Variants in BOD1L1 observed in about 807,000 individuals in gnomAD.
BOD1L1 encodes biorientation of chromosomes in cell division 1 like 1, also known as biorientation of chromosomes in cell division protein 1-like 1.
A neutral mutation model predicts 240.7 loss-of-function variants in BOD1L1; 86 were observed. The ratio of observed to expected loss-of-function variants is 0.36; its 90% confidence interval spans 0.30 to 0.43. The LOEUF is 0.43. BOD1L1 is among the 20% of genes least tolerant of loss of function. BOD1L1 has a pLI of 1.00. For synonymous variants in BOD1L1, 1,268 were observed against 1,272.3 expected, an observed-to-expected ratio of 1.00 and a Z score of 0.07; for missense variants, 3,554 against 3,643.5, an observed-to-expected ratio of 0.98 and a Z score of 0.63.
At chr4:13,577,331 A>T in intron 24 of BOD1L1, 72 bp downstream of exon 24, 1 of 1,323,786 alleles carries the variant, frequency 7.6e-7, no homozygotes, top group East Asian at 2.4e-5. Flanking sequence ...ATTTTTCCTC[A>T]TTCAAAGAAA....
At chr4:13,579,256 G>A (rs1258863409) in intron 22 of BOD1L1, among the ~76,000 whole-genome samples, 1 of 152,080 alleles carries the variant, frequency 6.6e-6, no homozygotes, top group Non-Finnish European at 1.5e-5. Context: ...TTTCTTGTAT[G>A]GATTCAAAAT....
Position 13,602,447 on chromosome 4 carries a change from T to G in BOD1L1, c.4453A>C (p.Ser1485Arg). 6.2e-7 allele frequency: 1 copy of G among 1,614,038 alleles called. No individual in the cohort carries two copies. The highest frequency in any genetic ancestry group is 2.2e-5 in the East Asian group (1 of 44,882). Residue 1485 changes from serine to arginine, a missense_variant, in exon 10 of 26, where the codon AGT becomes CGT. Around this residue, in one of 2 missense-constraint regions of BOD1L1, gnomAD observed 3,393 missense variants for 3,427.1 expected, o/e 0.99. Coordinates refer to ENST00000040738, the MANE Select transcript of BOD1L1 (RefSeq NM_148894.3). ...GAGGGTGCAGAGCCACTTCCAGCAC[T>G]GGTGTCTACCTCACTGTTTTCATTC... The part of the protein sequence containing the change: ...RRNENSEVDT[S>R]AGSGSAPSVL...
rs140547404 is a variant in BOD1L1, at chr4:13,602,112, G to A, written c.4788C>T (p.Val1596=). 871 of 1,613,866 alleles carry A rather than the reference G, an allele frequency of 5.4e-4. 2 individuals carry two copies. Among genetic ancestry groups the A allele is most frequent in the Non-Finnish European group, 7.1e-4 (837 of 1,179,904 alleles). Residue 1596 remains valine, a synonymous_variant, in exon 10 of 26, where the codon GTC becomes GTT. Transcript: ENST00000040738. The part of the protein sequence containing the change: ...FAAAEEGGAV[V]TEGFAESETF... ...TTTCACTTTCAGCAAATCCCTCTGT[G>A]ACAACAGCCCCACCTTCTTCAGCTG...
rs950551246 is a variant in BOD1L1, at chr4:13,590,266, T to C, written c.8209+120A>G. 7.9e-6 allele frequency: 4 copies of C among 509,190 alleles called. No homozygotes were observed. In the East Asian group the frequency reaches 1.4e-4, roughly 18 times the overall value. 31.5% of individuals were successfully genotyped at this position (509,190 alleles called of 1,614,324 possible). A position where few individuals can be genotyped will look rare whatever the true frequency, so the allele number is the denominator to read the frequency against. On this transcript the variant is annotated intron_variant, in intron 14 of 25. Transcript: ENST00000040738. ...CTGTTAACTATCACTTTACTGAATT[T>C]TTATGAATTAAATGAGAGAAAGTAT...
chr4:13,602,862 A>G lies in BOD1L1; in HGVS notation c.4038T>C (p.Gly1346=). 6.2e-7 allele frequency: 1 copy of G among 1,613,996 alleles called. No homozygotes were observed. Among genetic ancestry groups the G allele is most frequent in the Non-Finnish European group, 8.5e-7 (1 of 1,179,884 alleles). ...EVLKTSDSKE[G]GEGFTVDTPA... is the part of the protein sequence containing the mutation. Reference sequence around the variant, plus strand: ...GTGTATCTACTGTGAAACCTTCACCACCTTCTTTGCTGTCACTTGTCTTAA... The same window carrying G: ...GTGTATCTACTGTGAAACCTTCACCGCCTTCTTTGCTGTCACTTGTCTTAA... The change falls in exon 10 of 26, where the codon GGT becomes GGC. Residue 1346 remains glycine, a synonymous_variant. Coordinates refer to ENST00000040738, the MANE Select transcript of BOD1L1 (RefSeq NM_148894.3).
chr4:13,600,423 T>C lies in BOD1L1; in HGVS notation c.6477A>G (p.Ala2159=). The C allele has an allele frequency of 3.1e-6, 5 of 1,613,950 alleles. No individual in the cohort carries two copies. Among genetic ancestry groups the C allele is most frequent in the Non-Finnish European group, 4.2e-6 (5 of 1,179,882 alleles). The change falls in exon 10 of 26, where the codon GCA becomes GCG. Residue 2159 remains alanine (A), a synonymous_variant. Transcript: ENST00000040738. ...GACTTTCAGCACACTTGATGGTTGTTGCACTGGAGATAGGCAATTCGAATT... is the reference window on the plus strand; with the variant it reads ...GACTTTCAGCACACTTGATGGTTGTCGCACTGGAGATAGGCAATTCGAATT... ...GEEFELPISS[A]TTIKCAESLQ... is the part of the protein sequence containing the mutation.
rs775161782 is a variant in BOD1L1, at chr4:13,581,117, A to G, written c.8668+15T>C. 1 of 1,570,896 alleles carries G rather than the reference A, an allele frequency of 6.4e-7. No homozygotes were observed. Among genetic ancestry groups the G allele is most frequent in the Non-Finnish European group, 8.6e-7 (1 of 1,156,586 alleles). ...AATTTCTTGTGTGTGAACTGAAAAC[A>G]CACCAAGTACCTACTCATTTTTAAC... On this transcript the variant is annotated intron_variant, in intron 20 of 25. Transcript: ENST00000040738.
intron 12 of BOD1L1, among the ~76,000 whole-genome samples, chr4:13,593,683 T>G (rs113642046): frequency 1.5e-4 from 23 of 152,312 alleles, no homozygotes; most frequent in African/African-American, 4.1e-4. Flanking sequence ...TATTTGCACG[T>G]TGATTTCAGT....
At chr4:13,580,962 T>C in intron 21 of BOD1L1, 58 bp downstream of exon 21, 1 of 1,462,334 alleles carries the variant, frequency 6.8e-7, no homozygotes, top group Non-Finnish European at 9.3e-7. Flanking sequence ...TATTGCATTA[T>C]ACCGTTTTTC....
chr4:13,572,899 G>C, intron 25 of BOD1L1: 1 of 1,257,552 alleles, frequency 8.0e-7, no homozygotes, highest in Non-Finnish European at 1.0e-6. Context: ...CCAGTCCCTG[G>C]AACTCTGTAG....
In BOD1L1 at chr4:13,611,007, T is replaced by C; in HGVS notation, c.1418A>G (p.Lys473Arg). 6.2e-7 allele frequency: 1 copy of C among 1,612,720 alleles called. No homozygotes were observed. Among genetic ancestry groups the C allele is most frequent in the Non-Finnish European group, 8.5e-7 (1 of 1,178,984 alleles). The part of the protein sequence containing the change: ...TKSVRHAYVH[K>R]PYLYSKYYSD... ...ATAGTATTTTGAGTAAAGATATGGT[T>C]TGTGGACATACGCATGCCGTACACT... is the stretch of plus-strand genomic sequence containing the variant. The change falls in exon 6 of 26, where the codon AAA becomes AGA. Residue 473 changes from lysine (K) to arginine (R), a missense_variant. Transcript: ENST00000040738.
chr4:13,623,627 G>C (rs1254628747), intron 1 of BOD1L1: 1 of 152,206 alleles, frequency 6.6e-6, no homozygotes, highest in Non-Finnish European at 1.5e-5. Flanking sequence ...TCTCTCTCCT[G>C]GTTAAGGACT....
intron 15 of BOD1L1, 127 bp downstream of exon 15, chr4:13,588,595 G>T: frequency 1.4e-6 from 1 of 710,184 alleles, no homozygotes; most frequent in Non-Finnish European, 2.2e-6. Flanking sequence ...GTGACATGTG[G>T]AACTCTCAGT....
chr4:13,591,972 C>T lies in BOD1L1; in HGVS notation c.8105-6G>A. ...AGGCTCCCTCTGGAGTTCAGCTGTTCAAAAATAAAAATGAGATGTAAAGAA... is the reference window on the plus strand; with the variant it reads ...AGGCTCCCTCTGGAGTTCAGCTGTTTAAAAATAAAAATGAGATGTAAAGAA... On this transcript the variant is annotated splice_polypyrimidine_tract_variant and splice_region_variant and intron_variant, in intron 12 of 25. Transcript: ENST00000040738. 6.5e-7 allele frequency: 1 copy of T among 1,541,494 alleles called. No individual in the cohort carries two copies. The highest frequency in any genetic ancestry group is 1.4e-5 in the African/African-American group (1 of 72,506).
In BOD1L1 at chr4:13,613,781, CA is replaced by C; in HGVS notation, c.1175-121del. ...TTTAAATACGTGTCAAACTATCAAA[CA>C]AGGCAGAGTGGTTTCCAGAAAATAC... On this transcript the variant is annotated intron_variant, in intron 4 of 25. Transcript: ENST00000040738. This position sits in a 1 kb window ranked among gnomAD's most constrained non-coding sequence, Gnocchi z 4.0. The C allele has an allele frequency of 1.4e-6, 1 of 728,984 alleles. No individual in the cohort carries two copies. Among genetic ancestry groups the C allele is most frequent in the Non-Finnish European group, 2.0e-6 (1 of 503,556 alleles). 45.2% of individuals were successfully genotyped at this position (728,984 alleles called of 1,614,324 possible).
At chr4:13,598,827 T>G (rs1383199835) in intron 10 of BOD1L1, 119 bp downstream of exon 10, 1 of 1,084,620 alleles carries the variant, frequency 9.2e-7, no homozygotes, top group African/African-American at 1.6e-5. Context: ...AGAAAAAAAT[T>G]TATAGATATT....
rs1715165472 is a variant in BOD1L1, at chr4:13,601,561, G to T, written c.5339C>A (p.Ser1780Tyr). Residue 1780 changes from serine (S) to tyrosine (Y), a missense_variant, in exon 10 of 26, where the codon TCT (serine) becomes TAT (tyrosine). This residue lies in a region of BOD1L1 where 3,393 missense variants were observed against 3,427.1 expected (regional missense o/e 0.99). Coordinates refer to ENST00000040738, the MANE Select transcript of BOD1L1 (RefSeq NM_148894.3). ...GTSASQEGDGSVNDGTEGESA... is the reference protein window; with the variant it reads ...GTSASQEGDGYVNDGTEGESA... ...CTCACCTTCTGTACCATCATTCACA[G>T]AACCATCTCCTTCTTGGCTGGCACT... 1.2e-6 allele frequency: 2 copies of T among 1,613,990 alleles called. No individual in the cohort carries two copies. Among genetic ancestry groups the T allele is most frequent in the Non-Finnish European group, 1.7e-6 (2 of 1,179,894 alleles).
Position 13,600,266 on chromosome 4 carries a change from C to T in BOD1L1, c.6634G>A (p.Glu2212Lys). The T allele has an allele frequency of 2.5e-6, 4 of 1,614,052 alleles. No homozygotes were observed. Among genetic ancestry groups the T allele is most frequent in the Non-Finnish European group, 3.4e-6 (4 of 1,179,890 alleles). ...ESPLASTSKE[E>K]KDECALISTS... ...GAAATGAGAGCACATTCATCCTTCT[C>T]CTCCTTGCTGGTTGAGGCAAGAGGA... The change falls in exon 10 of 26, where the codon GAG becomes AAG. Residue 2212 changes from glutamate (E) to lysine (K), a missense_variant. By Grantham distance (56) the Glu-to-Lys change is moderately conservative. Transcript: ENST00000040738.
chr4:13,585,818 G>C (rs1360753462), intron 17 of BOD1L1, among the ~76,000 whole-genome samples: 1 of 152,134 alleles, frequency 6.6e-6, no homozygotes, highest in African/African-American at 2.4e-5. Flanking sequence ...TTATAAAGAG[G>C]AGTTCCCCTG....
Sources: gnomAD v4.1 joint callset for allele counts (sites outside exome capture counted in the v4.1 genomes callset) on GRCh38, gnomAD v4.1.1 for gene constraint, gnomAD v4.1.1 regional missense constraint, Gnocchi (gnomAD v3.1) non-coding constraint, MANE v1.5 for transcripts, NCBI Gene and HGNC (gene_info 2026-07-23, HGNC 2026-07-21) for gene names.